Variants in UBAC1 observed in about 807,000 individuals in gnomAD.
UBAC1 encodes the protein ubiquitin-associated domain-containing protein 1.
UBAC1 carries 27 observed loss-of-function variants against 45.9 expected under a neutral mutation model. The ratio of observed to expected loss-of-function variants is 0.59; its 90% CI spans 0.43 to 0.81. UBAC1 has a LOEUF of 0.81. UBAC1 is among the 30% of genes least tolerant of loss of function. The pLI is 0.00. For synonymous variants in UBAC1, 227 were observed against 215.5 expected, an observed-to-expected ratio of 1.05 and a Z score of -0.47; for missense variants, 529 against 539.2, an observed-to-expected ratio of 0.98 and a Z score of 0.19.
At chr9:135,950,315 G>A (rs1196707799) in intron 3 of UBAC1, among the ~76,000 whole-genome samples, 3 of 152,228 alleles carry the variant, frequency 2.0e-5, no homozygotes, top group South Asian at 2.1e-4. Flanking sequence ...ACTCTAACAC[G>A]GGAAAGAGGC....
At chr9:135,959,892 C>G (rs1839511519) in intron 1 of UBAC1, among the ~76,000 whole-genome samples, 2 of 152,200 alleles carry the variant, frequency 1.3e-5, no homozygotes, top group Admixed American at 1.3e-4. Context: ...GGTGTGAATC[C>G]TGAGGCCAGC....
At chr9:135,938,978 C>G (rs1177400256) in intron 8 of UBAC1, among the ~76,000 whole-genome samples, 1 of 152,138 alleles carries the variant, frequency 6.6e-6, no homozygotes, top group African/African-American at 2.4e-5. Flanking sequence ...GAAGCCAAAG[C>G]AGGAGGATCG....
chr9:135,946,082 G>A lies in UBAC1; in HGVS notation c.545-85C>T, dbSNP rs879068589. On this transcript the variant is annotated intron_variant, in intron 5 of 9. Transcript: ENST00000371756. ...GCACAAACATTTGCAGCAATTATCT[G>A]TCTGAGCTCCACCTGCCCGCCCTCA... 8.9e-6 allele frequency: 12 copies of A among 1,347,332 alleles called. No homozygotes were observed. In the South Asian group the frequency reaches 1.1e-4, roughly 12 times the overall value. 83.5% of individuals were successfully genotyped at this position (1,347,332 alleles called of 1,614,324 possible).
chr9:135,957,924 G>A (rs534054179), intron 1 of UBAC1, among the ~76,000 whole-genome samples: 4 of 151,736 alleles, frequency 2.6e-5, no homozygotes, highest in African/African-American at 9.7e-5. Context: ...ACAGGAGTCC[G>A]CGACCATGCC....
chr9:135,953,825 TGG>T, intron 2 of UBAC1, 72 bp from the exon 3 acceptor site: 1 of 1,392,514 alleles, frequency 7.2e-7, no homozygotes, highest in Non-Finnish European at 1.0e-6. Flanking sequence ...TAAAGGGTGC[TGG>T]ATGCCCTGAG....
Position 135,939,608 on chromosome 9 carries a change from A to T in UBAC1, c.963+65T>A, listed in dbSNP as rs1267772371. The T allele has an allele frequency of 1.5e-5, 22 of 1,511,504 alleles. No individual in the cohort carries two copies. The East Asian group carries it at 5.0e-4, about 34-fold the overall frequency. The allele number at this position is 1,511,504 out of a possible 1,614,324, so 93.6% of individuals were successfully genotyped here. On this transcript the variant is annotated intron_variant, in intron 8 of 9. Coordinates refer to ENST00000371756, the MANE Select transcript of UBAC1 (RefSeq NM_016172.3). ...AGCCCACACTCACTCACCACAGCCC[A>T]CACTTACCACAGCCCACACTCACTC...
intron 4 of UBAC1, among the ~76,000 whole-genome samples, chr9:135,947,108 T>A (rs1839346856): frequency 6.6e-6 from 1 of 152,182 alleles, no homozygotes; most frequent in Non-Finnish European, 1.5e-5. Flanking sequence ...TGGCATCAGA[T>A]GAAGTTGGAA....
intron 9 of UBAC1, among the ~76,000 whole-genome samples, chr9:135,934,889 A>T (rs1005515991): frequency 2.0e-5 from 3 of 151,416 alleles, no homozygotes; most frequent in Non-Finnish European, 3.0e-5. Flanking sequence ...TTTGAATTTA[A>T]TTTTTTTTTG....
intron 2 of UBAC1, among the ~76,000 whole-genome samples, chr9:135,954,439 G>A (rs929830785): frequency 2.0e-5 from 3 of 152,170 alleles, no homozygotes; most frequent in African/African-American, 7.2e-5. Flanking sequence ...GCGACACCCT[G>A]TCTCAAAAGA....
At chr9:135,947,584 C>A in intron 4 of UBAC1, 1 of 482,646 alleles carries the variant, frequency 2.1e-6, no homozygotes, top group East Asian at 3.4e-5. Flanking sequence ...TCTTTTCAAT[C>A]CTGCCTTCAG....
At chr9:135,938,558 A>G (rs1374053250) in intron 8 of UBAC1, among the ~76,000 whole-genome samples, 198 bp from the exon 9 acceptor site, 2 of 152,254 alleles carry the variant, frequency 1.3e-5, no homozygotes, top group African/African-American at 4.8e-5. Flanking sequence ...ACCAGGCCAG[A>G]GAAGGAAGAG....
At chr9:135,949,879 G>C (rs1278544084) in intron 3 of UBAC1, among the ~76,000 whole-genome samples, 1 of 152,210 alleles carries the variant, frequency 6.6e-6, no homozygotes, top group Non-Finnish European at 1.5e-5. Flanking sequence ...TAATCAGGCA[G>C]GTCCTTAAAA....
At position 135,946,282 on chromosome 9, in the gene UBAC1, A is replaced by G. The variant is rs778565596; in HGVS notation, c.531T>C (p.Phe177=). ...LALNPDAVEL[F]KKANAMLDED... is the part of the protein sequence containing the mutation. The stretch of plus-strand genomic sequence containing the variant: ...GTTGACTCATACCATTCGCCTTCTT[A>G]AACAATTCCACTGCATCTGGGTTCA... Residue 177 remains phenylalanine, a synonymous_variant, in exon 5 of 10, where the codon TTT becomes TTC. Coordinates refer to ENST00000371756, the MANE Select transcript of UBAC1 (RefSeq NM_016172.3). 2 of 1,612,576 alleles carry G rather than the reference A, an allele frequency of 1.2e-6. No homozygotes were observed. Among genetic ancestry groups the G allele is most frequent in the East Asian group, 4.5e-5 (2 of 44,882 alleles).
intron 9 of UBAC1, among the ~76,000 whole-genome samples, chr9:135,937,308 GT>G (rs200601924): frequency 0.019 from 2,923 of 152,184 alleles, 37 homozygotes; most frequent in Non-Finnish European, 0.023. Flanking sequence ...AGGCGTGGTA[GT>G]GCACGCCTGT....
intron 5 of UBAC1, 114 bp from the exon 6 acceptor site, chr9:135,946,111 A>G (rs533612676): frequency 1.7e-6 from 2 of 1,165,344 alleles, no homozygotes; most frequent in East Asian, 2.4e-5. Context: ...GCCCTCAGGC[A>G]CATCAACAGG....
Position 135,961,013 on chromosome 9 carries a change from G to A in UBAC1, c.138+12C>T, listed in dbSNP as rs571296111. ...GCGGGTGTTGGGGGCAGGGGAGGGG[G>A]CCCGGCCTTACGTGCTTGAGGCAGC... On this transcript the variant is annotated intron_variant, in intron 1 of 9. Coordinates refer to ENST00000371756, the MANE Select transcript of UBAC1 (RefSeq NM_016172.3). 9.1e-6 allele frequency: 14 copies of A among 1,540,140 alleles called. No individual in the cohort carries two copies. The Admixed American group carries it at 1.1e-4, about 13-fold the overall frequency.
At position 135,955,505 on chromosome 9, in the gene UBAC1, T is replaced by C. The variant is rs1588536479; in HGVS notation, c.139-90A>G. The C allele has an allele frequency of 5.3e-6, 7 of 1,330,048 alleles. No homozygotes were observed. The East Asian group carries it at 1.8e-4, about 35-fold the overall frequency. The allele number at this position is 1,330,048 out of a possible 1,614,324, so 82.4% of individuals were successfully genotyped here. ...TGGCATCCCAAGCTACACCAGGAATTTACTGGGTTTTCTTATGAGCTAAGA... is the reference window on the plus strand; with the variant it reads ...TGGCATCCCAAGCTACACCAGGAATCTACTGGGTTTTCTTATGAGCTAAGA... On this transcript the variant is annotated intron_variant, in intron 1 of 9. Transcript: ENST00000371756.
At chr9:135,935,821 T>G (rs564982479) in intron 9 of UBAC1, among the ~76,000 whole-genome samples, 1 of 152,050 alleles carries the variant, frequency 6.6e-6, no homozygotes, top group East Asian at 1.9e-4. Context: ...GGTCAGGAGA[T>G]CAAGACCATC....
chr9:135,943,937 A>G (rs1027084188), intron 7 of UBAC1, among the ~76,000 whole-genome samples: 5 of 152,154 alleles, frequency 3.3e-5, no homozygotes, highest in African/African-American at 1.2e-4. Context: ...ACATGGACAC[A>G]GTGAGGGGAA....
Sources: gnomAD v4.1 joint callset for allele counts (sites outside exome capture counted in the v4.1 genomes callset) on GRCh38, gnomAD v4.1.1 for gene constraint, MANE v1.5 for transcripts, NCBI Gene and HGNC (gene_info 2026-07-23, HGNC 2026-07-21) for gene names.